Variants in RGSL1 observed in about 807,000 individuals in gnomAD.
The protein encoded by RGSL1 is regulator of G protein signaling like 1, also known as regulator of G protein signaling protein-like.
In RGSL1, 97 loss-of-function variants were observed where a neutral mutation model predicts 124.7. That is an observed-to-expected ratio of 0.78 (90% CI 0.66 to 0.92). The LOEUF (loss-of-function observed/expected upper bound fraction) is 0.92. Among genes scored for constraint, RGSL1 ranks in the 40% least tolerant of loss-of-function variants. RGSL1 has a pLI of 0.00. For synonymous variants in RGSL1, 424 were observed against 438.1 expected (o/e 0.97, Z 0.40); for missense variants, 1,233 against 1,288.4 (o/e 0.96, Z 0.66).
intron 15 of RGSL1, among the ~76,000 whole-genome samples, chr1:182,542,803 G>A (rs1413565732): frequency 1.3e-5 from 2 of 151,886 alleles, no homozygotes; most frequent in South Asian, 2.1e-4. Context: ...GGTATTTTAT[G>A]CTTTTTGTAG....
At chr1:182,475,293 G>T (rs1654202142) in intron 6 of RGSL1, among the ~76,000 whole-genome samples, 1 of 152,170 alleles carries the variant, frequency 6.6e-6, no homozygotes, top group African/African-American at 2.4e-5. Context: ...TTAGATAAAA[G>T]CAAGAGAATA....
intron 9 of RGSL1, among the ~76,000 whole-genome samples, chr1:182,494,119 C>T (rs1045152432): frequency 5.3e-5 from 8 of 152,162 alleles, no homozygotes; most frequent in Admixed American, 3.3e-4. Flanking sequence ...CCGGTCATCA[C>T]GACTTCTCAG....
chr1:182,471,543 G>A (rs1471146296), intron 4 of RGSL1, among the ~76,000 whole-genome samples: 4 of 152,164 alleles, frequency 2.6e-5, no homozygotes. Flanking sequence ...GGTCCATAGT[G>A]TAGGTTAAGG....
At chr1:182,489,385 C>T (rs546745573) in intron 8 of RGSL1, among the ~76,000 whole-genome samples, 183 bp downstream of exon 8, 177 of 152,296 alleles carry the variant, frequency 1.2e-3, no homozygotes, top group Non-Finnish European at 1.9e-3. Context: ...GATGTGACCT[C>T]CCCAGGGTCA....
intron 4 of RGSL1, chr1:182,460,555 T>C (rs1037356075): frequency 4.6e-6 from 2 of 436,906 alleles, no homozygotes; most frequent in Non-Finnish European, 9.1e-6. Flanking sequence ...CTCCAGAATT[T>C]CTTACCTAGT....
At chr1:182,468,497 C>T (rs1653536747) in intron 4 of RGSL1, among the ~76,000 whole-genome samples, 1 of 152,154 alleles carries the variant, frequency 6.6e-6, no homozygotes, top group Non-Finnish European at 1.5e-5. Flanking sequence ...AAGTGTCATT[C>T]TCAGCAAACT....
At chr1:182,546,532 T>A (rs1218433766) in intron 15 of RGSL1, among the ~76,000 whole-genome samples, 1 of 152,146 alleles carries the variant, frequency 6.6e-6, no homozygotes, top group Non-Finnish European at 1.5e-5. Flanking sequence ...TAGCTGGGAC[T>A]ACAGGCACAT....
intron 13 of RGSL1, among the ~76,000 whole-genome samples, chr1:182,532,246 G>C (rs912403925): frequency 1.3e-5 from 2 of 152,118 alleles, no homozygotes; most frequent in African/African-American, 4.8e-5. Flanking sequence ...TCTTTTTTAA[G>C]TGCTTAGAAA....
chr1:182,477,243 C>G (rs1385992986), intron 6 of RGSL1, among the ~76,000 whole-genome samples: 2 of 152,186 alleles, frequency 1.3e-5, no homozygotes, highest in African/African-American at 4.8e-5. Flanking sequence ...GCTGCAGATC[C>G]AGAATCAGCC....
chr1:182,469,130 AT>A (rs1233630682), intron 4 of RGSL1, among the ~76,000 whole-genome samples: 3 of 152,172 alleles, frequency 2.0e-5, no homozygotes, highest in African/African-American at 4.8e-5. Context: ...TGTCTTGGAT[AT>A]GACAGGAAAG....
intron 9 of RGSL1, among the ~76,000 whole-genome samples, chr1:182,493,735 G>T (rs898266452): frequency 6.6e-6 from 1 of 152,170 alleles, no homozygotes; most frequent in African/African-American, 2.4e-5. Context: ...GTTTCCTTTG[G>T]CTGAAGCAAC....
At chr1:182,489,741 A>T (rs1473977576) in intron 8 of RGSL1, among the ~76,000 whole-genome samples, 2 of 152,214 alleles carry the variant, frequency 1.3e-5, no homozygotes, top group Non-Finnish European at 2.9e-5. Flanking sequence ...ATTCACTTGT[A>T]TGCTTGAGCA....
At chr1:182,481,100 A>T (rs1482230282) in intron 6 of RGSL1, among the ~76,000 whole-genome samples, 1 of 152,166 alleles carries the variant, frequency 6.6e-6, no homozygotes, top group Non-Finnish European at 1.5e-5. Flanking sequence ...GAGGATGAAG[A>T]TTAGAGAAGA....
At chr1:182,552,156 C>T (rs1660602377) in intron 18 of RGSL1, among the ~76,000 whole-genome samples, 1 of 151,878 alleles carries the variant, frequency 6.6e-6, no homozygotes, top group Non-Finnish European at 1.5e-5. Context: ...CTCTGTGGCC[C>T]AGGCTGGAGT....
chr1:182,543,051 T>G (rs886474395), intron 15 of RGSL1, among the ~76,000 whole-genome samples: 9 of 152,160 alleles, frequency 5.9e-5, no homozygotes, highest in Admixed American at 2.0e-4. Context: ...TTTCTTTCTC[T>G]TGCCTAATTG....
intron 9 of RGSL1, among the ~76,000 whole-genome samples, chr1:182,500,767 AT>A (rs908807319): frequency 6.6e-6 from 1 of 152,156 alleles, no homozygotes; most frequent in African/African-American, 2.4e-5. Flanking sequence ...AAGTGGAACT[AT>A]TTTTATTTCA....
At chr1:182,457,190 A>C (rs1202418643) in intron 2 of RGSL1, among the ~76,000 whole-genome samples, 3 of 152,112 alleles carry the variant, frequency 2.0e-5, no homozygotes, top group African/African-American at 7.2e-5. Context: ...TATGCCTAAG[A>C]TCACACAGTG....
rs1558303485 is a variant in RGSL1, at chr1:182,493,094, A to G, written c.1790A>G (p.Asp597Gly). The change falls in exon 9 of 22, where the codon GAC becomes GGC. Residue 597 changes from aspartate (D) to glycine (G), a missense_variant. Asp to Gly is a moderately conservative substitution (Grantham distance 94). Transcript: ENST00000294854. ...ATGGCCATACAGAAGATCAGTGATGACTACAAAATATACTGTGAGAAAGCA... is the reference window on the plus strand; with the variant it reads ...ATGGCCATACAGAAGATCAGTGATGGCTACAAAATATACTGTGAGAAAGCA... Reference protein sequence around the residue: ...PKMAIQKISDDYKIYCEKAPK... With the variant: ...PKMAIQKISDGYKIYCEKAPK... 2 of 1,551,614 alleles carry G rather than the reference A, an allele frequency of 1.3e-6. No individual in the cohort carries two copies. Among genetic ancestry groups the G allele is most frequent in the South Asian group, 1.2e-5 (1 of 84,068 alleles).
chr1:182,509,935 A>G (rs1460201796), intron 9 of RGSL1, among the ~76,000 whole-genome samples: 9 of 139,214 alleles, frequency 6.5e-5, no homozygotes, highest in Admixed American at 5.5e-4. Context: ...GGTGGTTGCC[A>G]GGCAGAGGGT....
Sources: allele counts gnomAD v4.1 joint callset (sites outside exome capture counted in the v4.1 genomes callset), GRCh38; gene constraint gnomAD v4.1.1; transcripts MANE v1.5; gene names NCBI Gene and HGNC (gene_info 2026-07-23, HGNC 2026-07-21).